SGCD: variants seen among roughly 807,000 people sequenced by gnomAD.
SGCD encodes the protein delta-sarcoglycan.
Under a neutral mutation model 36.6 loss-of-function variants are expected in SGCD, and 18 were observed. The ratio of observed to expected loss-of-function variants is 0.49; its 90% CI spans 0.34 to 0.73. SGCD has a LOEUF of 0.73. Among genes scored for constraint, SGCD ranks in the 30% least tolerant of loss-of-function variants. The pLI is 0.01. For missense variants in SGCD, 387 were observed against 346.7 expected, an observed-to-expected ratio of 1.12 and a Z score of -0.92; for synonymous variants, 133 against 130.6, an observed-to-expected ratio of 1.02 and a Z score of -0.12.
chr5:155,740,489 C>G, the SGCD span, among the ~76,000 whole-genome samples: 5 of 152,080 alleles, frequency 3.3e-5, no homozygotes, highest in African/African-American at 1.2e-4. Flanking sequence ...AAACTGAAAT[C>G]CTTTTTATAC....
intron 3 of SGCD, among the ~76,000 whole-genome samples, chr5:156,226,905 G>A (rs575624057): frequency 7.2e-5 from 11 of 152,062 alleles, no homozygotes; most frequent in African/African-American, 2.7e-4. Flanking sequence ...GTTTTGAGAA[G>A]TGTCTATTCA....
the SGCD span, among the ~76,000 whole-genome samples, chr5:155,813,855 C>T: frequency 2.0e-5 from 3 of 152,200 alleles, no homozygotes; most frequent in Non-Finnish European, 4.4e-5. Flanking sequence ...AATCTTTCCT[C>T]TCCTACCACC....
At chr5:155,766,972 T>C in the SGCD span, among the ~76,000 whole-genome samples, 1 of 152,076 alleles carries the variant, frequency 6.6e-6, no homozygotes, top group Non-Finnish European at 1.5e-5. Context: ...CCAGGCTTCT[T>C]CTCCAATCCC....
At chr5:155,731,285 AAAAT>A in the SGCD span, among the ~76,000 whole-genome samples, 1 of 151,886 alleles carries the variant, frequency 6.6e-6, no homozygotes, top group Non-Finnish European at 1.5e-5. Context: ...GATGGAAGGG[AAAAT>A]AAATCTGAAG....
chr5:156,053,963 G>T lies in SGCD; in HGVS notation c.-281-63915G>T, dbSNP rs1199958730. The stretch of plus-strand genomic sequence containing the variant: ...AGGGGCACTGATTCCATTGACGAGG[G>T]TAGAGTTCTCATAACTTAATGACTT... On this transcript the variant is annotated intron_variant, in intron 1 of 9. Coordinates refer to the SGCD transcript ENST00000517913. Among the ~76,000 whole-genome samples the T allele has an allele frequency of 1.4e-5, 2 of 145,316 alleles. 1 individual carries two copies. The highest frequency in any genetic ancestry group is 5.0e-5 in the African/African-American group (2 of 40,394).
chr5:155,792,433 CAAA>C, the SGCD span, among the ~76,000 whole-genome samples: 11 of 92,312 alleles, frequency 1.2e-4, no homozygotes, highest in East Asian at 3.2e-4. Context: ...TTCTACATAG[CAAA>C]AAAAAAAAAA....
At chr5:156,128,937 G>T (rs941791127) in intron 3 of SGCD, among the ~76,000 whole-genome samples, 1 of 152,190 alleles carries the variant, frequency 6.6e-6, no homozygotes. Flanking sequence ...ATAGTATGGT[G>T]TAGGTGAAAG....
At chr5:156,285,044 G>A (rs764844932) in intron 3 of SGCD, among the ~76,000 whole-genome samples, 2 of 152,116 alleles carry the variant, frequency 1.3e-5, no homozygotes, top group African/African-American at 4.8e-5. Context: ...CAAACAGAGA[G>A]CTAAATCACG....
intron 6 of SGCD, among the ~76,000 whole-genome samples, chr5:156,647,040 A>G (rs1344412896): frequency 2.0e-5 from 3 of 152,152 alleles, no homozygotes; most frequent in African/African-American, 7.2e-5. Flanking sequence ...CTACCATCTA[A>G]CCCACTGCGT....
intron 1 of SGCD, among the ~76,000 whole-genome samples, chr5:155,904,994 G>A (rs1024068031): frequency 2.6e-5 from 4 of 152,154 alleles, no homozygotes; most frequent in African/African-American, 9.7e-5. Context: ...TCAACAAAGA[G>A]CCTGCTGTGT....
chr5:156,663,106 A>G (rs371496933), intron 7 of SGCD, among the ~76,000 whole-genome samples: 3,720 of 149,998 alleles, frequency 0.025, 70 homozygotes, highest in East Asian at 0.16. Flanking sequence ...TCGTGGGGCT[A>G]TATAATGGAG....
the SGCD span, among the ~76,000 whole-genome samples, chr5:155,742,904 T>G: frequency 3.3e-5 from 5 of 152,274 alleles, no homozygotes; most frequent in Middle Eastern, 3.4e-3. Flanking sequence ...TCACAGAACT[T>G]AGGGAAACAT....
chr5:156,238,277 G>C lies in SGCD; in HGVS notation c.-43-91257G>C, dbSNP rs1402159655. On this transcript the variant is annotated intron_variant, in intron 3 of 9. Transcript: ENST00000517913. ...TAGTTTTACGTATCTAATTTTGTAT[G>C]TTTGATTTTATACTTTTGTTTTTAT... Among the ~76,000 whole-genome samples, 4 of 152,176 alleles carry C rather than the reference G, an allele frequency of 2.6e-5. No individual in the cohort carries two copies. In the East Asian group the frequency reaches 7.7e-4, roughly 29 times the overall value.
chr5:156,421,100 GA>G (rs1773285651), intron 3 of SGCD, among the ~76,000 whole-genome samples: 1 of 151,842 alleles, frequency 6.6e-6, no homozygotes, highest in African/African-American at 2.4e-5. Flanking sequence ...AAATAATTAA[GA>G]AATGAAAACA....
the SGCD span, among the ~76,000 whole-genome samples, chr5:155,854,466 T>A: frequency 6.6e-6 from 1 of 152,330 alleles, no homozygotes; most frequent in African/African-American, 2.4e-5. Flanking sequence ...TTTTCGTGGA[T>A]GTAAAAATAA....
intron 3 of SGCD, among the ~76,000 whole-genome samples, chr5:156,248,091 T>C (rs1022455596): frequency 4.6e-5 from 7 of 152,108 alleles, no homozygotes; most frequent in African/African-American, 1.7e-4. Context: ...AAGAGTTACA[T>C]AGAATAAAGT....
At chr5:155,952,351 AT>A (rs907263626) in intron 1 of SGCD, among the ~76,000 whole-genome samples, 30 of 149,728 alleles carry the variant, frequency 2.0e-4, no homozygotes, top group Middle Eastern at 3.4e-3. Flanking sequence ...CTCCTGAGGA[AT>A]TTTTTTTTTA....
At chr5:156,222,804 A>G (rs112846160) in intron 3 of SGCD, among the ~76,000 whole-genome samples, 2,383 of 152,272 alleles carry the variant, frequency 0.016, 22 homozygotes, top group Non-Finnish European at 0.025. Context: ...GGTAGCTCAT[A>G]TGATTTCACT....
At chr5:156,747,530 C>T (rs1581523452) in intron 7 of SGCD, among the ~76,000 whole-genome samples, 2 of 152,258 alleles carry the variant, frequency 1.3e-5, no homozygotes, top group African/African-American at 4.8e-5. Flanking sequence ...GACTGTTGGA[C>T]TGAACACCTT....
Sources: gnomAD v4.1 joint callset for allele counts (sites outside exome capture counted in the v4.1 genomes callset) on GRCh38, gnomAD v4.1.1 for gene constraint, MANE v1.5 for transcripts, NCBI Gene and HGNC (gene_info 2026-07-23, HGNC 2026-07-21) for gene names.